SEC62: variants seen among roughly 807,000 people sequenced by gnomAD.
The protein encoded by SEC62 is SEC62 preprotein translocation factor.
A neutral mutation model predicts 47.5 loss-of-function variants in SEC62; 10 were observed. The ratio of observed to expected loss-of-function variants is 0.21; its 90% confidence interval spans 0.13 to 0.36. The LOEUF (loss-of-function observed/expected upper bound fraction) is 0.36, where lower values mean the gene tolerates loss of function less well. Ranked by LOEUF, SEC62 falls within the 10% of genes least tolerant of loss-of-function variation. The pLI is 1.00. For missense variants in SEC62, 327 were observed against 464.1 expected (o/e 0.70, Z 2.71); for synonymous variants, 136 against 150.5 (o/e 0.90, Z 0.71).
At chr3:169,990,062 ATATT>A (rs1364175141) in intron 7 of SEC62, among the ~76,000 whole-genome samples, 2 of 148,254 alleles carry the variant, frequency 1.3e-5, no homozygotes, top group Non-Finnish European at 3.0e-5. Context: ...TATGTCATAT[ATATT>A]ATATGATATC....
intron 1 of SEC62, among the ~76,000 whole-genome samples, chr3:169,968,954 GA>G (rs1164100827): frequency 1.3e-5 from 2 of 152,116 alleles, no homozygotes; most frequent in African/African-American, 2.4e-5. Flanking sequence ...ACACACTTAT[GA>G]AAATATACTA....
rs1280104367 is a variant in SEC62 at position 169,997,807 on chromosome 3, G to C, written c.*4744G>C. ...AAATGCAGAAAAGGAAATGCATGGGGTTACAAGGGAAACGAATTACACTGA... is the reference window on the plus strand; with the variant it reads ...AAATGCAGAAAAGGAAATGCATGGGCTTACAAGGGAAACGAATTACACTGA... On this transcript the variant is annotated 3_prime_UTR_variant, in exon 8 of 8. Transcript: ENST00000337002. The C allele has an allele frequency of 6.6e-6, 1 of 152,166 alleles. No homozygotes were observed. The highest frequency in any genetic ancestry group is 6.5e-5 in the Admixed American group (1 of 15,270). 9.4% of individuals were successfully genotyped at this position (152,166 alleles called of 1,614,324 possible). A position where few individuals can be genotyped will look rare whatever the true frequency, so the allele number is the denominator to read the frequency against.
At position 169,992,565 on chromosome 3, in the gene SEC62, C is replaced by T; in HGVS notation, c.731-29C>T. The T allele has an allele frequency of 1.3e-6, 2 of 1,517,074 alleles. No individual in the cohort carries two copies. The highest frequency in any genetic ancestry group is 1.8e-6 in the Non-Finnish European group (2 of 1,105,602). The allele number at this position is 1,517,074 out of a possible 1,614,324, so 94.0% of individuals were successfully genotyped here. A position where few individuals can be genotyped will look rare whatever the true frequency, so the allele number is the denominator to read the frequency against. On this transcript the variant is annotated intron_variant, in intron 7 of 7. Coordinates refer to ENST00000337002, the MANE Select transcript of SEC62 (RefSeq NM_003262.4). This position sits in a 1 kb window ranked among gnomAD's most constrained non-coding sequence, Gnocchi z 4.0. ...CCCTTCTGAGGCAGTGTTTGAATTACTCAATTAGAGAAATTTTTCTCCCCA... is the reference window on the plus strand; with the variant it reads ...CCCTTCTGAGGCAGTGTTTGAATTATTCAATTAGAGAAATTTTTCTCCCCA...
chr3:169,969,999 A>C (rs1487590274), intron 1 of SEC62, among the ~76,000 whole-genome samples: 6 of 152,220 alleles, frequency 3.9e-5, no homozygotes, highest in African/African-American at 1.4e-4. Flanking sequence ...ACAGGGAAGA[A>C]AAGAGAAAAT....
chr3:169,973,303 C>A (rs942955516), intron 1 of SEC62, among the ~76,000 whole-genome samples: 1 of 152,112 alleles, frequency 6.6e-6, no homozygotes, highest in Non-Finnish European at 1.5e-5. Flanking sequence ...TCAAATAAAT[C>A]ATTATGAATC....
At chr3:169,972,414 T>C (rs1355182709) in intron 1 of SEC62, among the ~76,000 whole-genome samples, 4 of 152,186 alleles carry the variant, frequency 2.6e-5, no homozygotes, top group East Asian at 3.9e-4. Context: ...CCCATCCACA[T>C]TGATAATCTC....
chr3:169,971,846 A>T lies in SEC62; in HGVS notation c.37-3762A>T, dbSNP rs80245965. Among the ~76,000 whole-genome samples the T allele has an allele frequency of 8.2e-4, 125 of 152,310 alleles. 1 individual carries two copies. The highest frequency in any genetic ancestry group is 8.1e-3 in the Admixed American group (124 of 15,302). ...AGGAATGGTATAACTGAGTGTTAGT[A>T]TGAGTATATTTGTATCATGCCTAAA... On this transcript the variant is annotated intron_variant, in intron 1 of 7. Transcript: ENST00000337002.
Position 169,985,988 on chromosome 3 carries a change from TAAA to T in SEC62, c.610+124_610+126del, listed in dbSNP as rs1464865113. On this transcript the variant is annotated intron_variant, in intron 6 of 7. Transcript: ENST00000337002. ...AATAGTTGTCATTTTAAAAATACTT[TAAA>T]TAAAGTCAGAAGATAAATAATACAC... 11 of 593,562 alleles carry T rather than the reference TAAA, an allele frequency of 1.9e-5. No individual in the cohort carries two copies. In the East Asian group the frequency reaches 3.0e-4, roughly 16 times the overall value. 36.8% of individuals were successfully genotyped at this position (593,562 alleles called of 1,614,324 possible).
chr3:169,995,347 A>G lies in SEC62; in HGVS notation c.*2284A>G, dbSNP rs1715349329. 6.6e-6 allele frequency: 1 copy of G among 152,190 alleles called. No individual in the cohort carries two copies. The allele number at this position is 152,190 out of a possible 1,614,324, so 9.4% of individuals were successfully genotyped here. Reference sequence around the variant, plus strand: ...AGTTCAGATAGTAAGAATAATGCATATGTGATTGTTCTTAAAGTCAATGTA... The same window carrying G: ...AGTTCAGATAGTAAGAATAATGCATGTGTGATTGTTCTTAAAGTCAATGTA... On this transcript the variant is annotated 3_prime_UTR_variant, in exon 8 of 8. Coordinates refer to ENST00000337002, the MANE Select transcript of SEC62 (RefSeq NM_003262.4).
chr3:169,990,750 A>C (rs1277206201), intron 7 of SEC62, among the ~76,000 whole-genome samples: 2 of 152,212 alleles, frequency 1.3e-5, no homozygotes, highest in Non-Finnish European at 2.9e-5. Flanking sequence ...TTCCGTTTAT[A>C]CCACGAAAGA....
At position 169,994,900 on chromosome 3, in the gene SEC62, A is replaced by G. The variant is rs1411673137; in HGVS notation, c.*1837A>G. On this transcript the variant is annotated 3_prime_UTR_variant, in exon 8 of 8. Transcript: ENST00000337002. The stretch of plus-strand genomic sequence containing the variant: ...TTGGAGCATGGCCAACAGGAAGGTC[A>G]GCTTCTTACTGATGTGTGTGGATTC... 1 of 152,216 alleles carries G rather than the reference A, an allele frequency of 6.6e-6. No homozygotes were observed. The highest frequency in any genetic ancestry group is 6.5e-5 in the Admixed American group (1 of 15,282). The allele number at this position is 152,216 out of a possible 1,614,324, so 9.4% of individuals were successfully genotyped here.
rs1715306410 is a variant in SEC62 at position 169,993,795 on chromosome 3, C to T, written c.*732C>T. On this transcript the variant is annotated 3_prime_UTR_variant, in exon 8 of 8. Transcript: ENST00000337002. ...GGCGTAACGTAAAGTGTATTCTGTA[C>T]ATAATTTACAAATAAAACATTTTAT... is the stretch of plus-strand genomic sequence containing the variant. 1 of 152,610 alleles carries T rather than the reference C, an allele frequency of 6.6e-6. No homozygotes were observed. The highest frequency in any genetic ancestry group is 1.5e-5 in the Non-Finnish European group (1 of 68,030). The allele number at this position is 152,610 out of a possible 1,614,324, so 9.5% of individuals were successfully genotyped here. A position where few individuals can be genotyped will look rare whatever the true frequency, so the allele number is the denominator to read the frequency against.
chr3:169,987,078 T>C (rs1715126995), intron 6 of SEC62, among the ~76,000 whole-genome samples: 1 of 149,766 alleles, frequency 6.7e-6, no homozygotes, highest in South Asian at 2.1e-4. Flanking sequence ...AAAAAAAAAA[T>C]AGGTAGCAGT....
At chr3:169,975,851 C>A in intron 2 of SEC62, 135 bp downstream of exon 2, 1 of 512,434 alleles carries the variant, frequency 2.0e-6, no homozygotes, top group East Asian at 3.0e-5. Flanking sequence ...GTTGATTATT[C>A]TGTTCTTTTC....
chr3:169,986,637 G>C (rs1715114939), intron 6 of SEC62, among the ~76,000 whole-genome samples: 1 of 152,102 alleles, frequency 6.6e-6, no homozygotes, highest in Non-Finnish European at 1.5e-5. Flanking sequence ...ATTATATATA[G>C]GCAGTCTCTG....
chr3:169,975,128 A>G (rs866983100), intron 1 of SEC62, among the ~76,000 whole-genome samples: 1 of 152,084 alleles, frequency 6.6e-6, no homozygotes, highest in Non-Finnish European at 1.5e-5. Flanking sequence ...TAAAAATACA[A>G]AAATTAGCTG....
chr3:169,978,077 A>C (rs2108282611), intron 3 of SEC62, among the ~76,000 whole-genome samples: 1 of 152,260 alleles, frequency 6.6e-6, no homozygotes, highest in East Asian at 1.9e-4. Context: ...CAGGAGATCG[A>C]GACCATTCTG....
intron 7 of SEC62, among the ~76,000 whole-genome samples, chr3:169,990,279 T>A (rs1285857966): frequency 1.3e-5 from 2 of 151,506 alleles, no homozygotes; most frequent in African/African-American, 4.8e-5. Flanking sequence ...TTTTTTTTTT[T>A]AAAGTCAGGG....
intron 6 of SEC62, among the ~76,000 whole-genome samples, chr3:169,986,887 C>T (rs187940297): frequency 3.8e-3 from 570 of 151,962 alleles, no homozygotes; most frequent in African/African-American, 0.014. Flanking sequence ...CACTACACCC[C>T]GCTAATTTTT....
Sources: allele counts gnomAD v4.1 joint callset (sites outside exome capture counted in the v4.1 genomes callset), GRCh38; gene constraint gnomAD v4.1.1; non-coding constraint Gnocchi (gnomAD v3.1); transcripts MANE v1.5; gene names NCBI Gene and HGNC (gene_info 2026-07-23, HGNC 2026-07-21).